The following ACTR3C variants were observed in gnomAD, a reference collection of about 807,000 sequenced individuals.
The protein encoded by ACTR3C is actin-related protein 3C.
Under a neutral mutation model 26.3 loss-of-function variants are expected in ACTR3C, and 18 were observed. The ratio of observed to expected loss-of-function variants is 0.68; its 90% CI spans 0.47 to 1.01. The LOEUF is 1.01. Ranked by LOEUF, ACTR3C falls within the 50% of genes least tolerant of loss-of-function variation. The pLI, the probability that ACTR3C is intolerant of heterozygous loss-of-function variation, is 0.00. For missense variants in ACTR3C, 184 were observed against 250.7 expected, an observed-to-expected ratio of 0.73 and a Z score of 1.80; for synonymous variants, 55 against 94.5, an observed-to-expected ratio of 0.58 and a Z score of 2.42.
chr7:150,068,638 G>C, the ACTR3C span, among the ~76,000 whole-genome samples: 1 of 130,534 alleles, frequency 7.7e-6, no homozygotes, highest in Admixed American at 7.8e-5. Context: ...AAAAAAATAG[G>C]CGGGTGTGGT....
At chr7:150,284,017 T>C (rs1465670593) in intron 6 of ACTR3C, among the ~76,000 whole-genome samples, 3 of 151,686 alleles carry the variant, frequency 2.0e-5, no homozygotes, top group African/African-American at 2.4e-5. Flanking sequence ...AAAAAAATCA[T>C]AATAATACAT....
At chr7:150,108,310 A>G in the ACTR3C span, among the ~76,000 whole-genome samples, 2 of 150,532 alleles carry the variant, frequency 1.3e-5, no homozygotes, top group Admixed American at 1.3e-4. Context: ...ATGGATAACT[A>G]GAAGAACAGG....
chr7:150,110,460 A>AGAGGGTGGGGCTGCCT, the ACTR3C span, among the ~76,000 whole-genome samples: 5 of 113,716 alleles, frequency 4.4e-5, no homozygotes, highest in African/African-American at 1.7e-4. Flanking sequence ...TGGGGCTGGA[A>AGAGGGTGGGGCTGCCT]GAGGGTGGGG....
At chr7:149,912,036 T>C in the ACTR3C span, among the ~76,000 whole-genome samples, 1 of 148,864 alleles carries the variant, frequency 6.7e-6, no homozygotes, top group South Asian at 2.1e-4. Flanking sequence ...ATCTGAAAAG[T>C]TTAAAAAAAC....
the ACTR3C span, among the ~76,000 whole-genome samples, chr7:150,143,029 A>G: frequency 4.0e-5 from 6 of 151,724 alleles, no homozygotes; most frequent in Admixed American, 2.0e-4. Flanking sequence ...GACAGGTTTC[A>G]CCATGTTGGC....
the ACTR3C span, among the ~76,000 whole-genome samples, chr7:149,900,184 G>GT: frequency 9.9e-5 from 15 of 150,988 alleles, no homozygotes; most frequent in Admixed American, 2.0e-4. Context: ...TGTTTTTTTG[G>GT]TTTGTTTTTG....
At chr7:150,140,607 T>C in the ACTR3C span, among the ~76,000 whole-genome samples, 1 of 152,148 alleles carries the variant, frequency 6.6e-6, no homozygotes, top group East Asian at 1.9e-4. Flanking sequence ...ATCTAAGTGA[T>C]TAGAGTTTGA....
chr7:150,243,722 T>C (rs1000789240), downstream of ACTR3C, among the ~76,000 whole-genome samples: 2 of 152,146 alleles, frequency 1.3e-5, no homozygotes, highest in Non-Finnish European at 2.9e-5. Context: ...ATGTAAATGC[T>C]ATGGAAATAG....
At chr7:150,059,681 C>T in the ACTR3C span, among the ~76,000 whole-genome samples, 2 of 152,270 alleles carry the variant, frequency 1.3e-5, no homozygotes, top group African/African-American at 4.8e-5. Context: ...TTTATCTGCA[C>T]TTTATATTTA....
In ACTR3C at chr7:150,282,241, G is replaced by A. The variant is rs1451533896; in HGVS notation, c.564+2512C>T. Among the ~76,000 whole-genome samples, 605 of 147,734 alleles carry A rather than the reference G, an allele frequency of 4.1e-3. 8 individuals are homozygous for A. Among genetic ancestry groups the A allele is most frequent in the Non-Finnish European group, 3.8e-3 (258 of 67,398 alleles). On this transcript the variant is annotated intron_variant, in intron 6 of 7. Transcript: ENST00000683684. ...GTCTCCTCCCCGGCAGCGGGGACCT[G>A]AGGCGATGTGTTCCAGAAGGGCAGC... is the stretch of plus-strand genomic sequence containing the variant.
the ACTR3C span, among the ~76,000 whole-genome samples, chr7:150,126,082 G>A: frequency 1.2e-4 from 18 of 152,264 alleles, no homozygotes; most frequent in South Asian, 6.2e-4. Flanking sequence ...GTCAACAAAC[G>A]GACCCTGAAA....
At chr7:150,035,529 G>T in the ACTR3C span, among the ~76,000 whole-genome samples, 10 of 127,904 alleles carry the variant, frequency 7.8e-5, no homozygotes, top group Non-Finnish European at 1.0e-4. Context: ...TCTCGTGGGG[G>T]GTGCCTCCCC....
chr7:150,257,143 T>A (rs1441236757), intron 6 of ACTR3C, among the ~76,000 whole-genome samples: 4 of 152,094 alleles, frequency 2.6e-5, no homozygotes, highest in African/African-American at 9.7e-5. Context: ...AATTATGAGG[T>A]AGCTAAAGCA....
the ACTR3C span, among the ~76,000 whole-genome samples, chr7:150,161,862 A>G: frequency 6.6e-6 from 1 of 152,124 alleles, no homozygotes. Context: ...TGTTCCAACA[A>G]CAACAACTGC....
At chr7:150,033,129 G>A in the ACTR3C span, among the ~76,000 whole-genome samples, 214 of 152,294 alleles carry the variant, frequency 1.4e-3, 1 homozygote, top group Non-Finnish European at 2.4e-3. Context: ...GGACAGAGGT[G>A]TATGGGGGTA....
the ACTR3C span, among the ~76,000 whole-genome samples, chr7:149,938,938 AAT>A: frequency 1.0e-4 from 7 of 68,218 alleles, no homozygotes; most frequent in Non-Finnish European, 1.4e-4. Flanking sequence ...TGTATATATA[AAT>A]ATATGTATAT....
At chr7:150,284,589 AT>A (rs1402486918) in intron 6 of ACTR3C, among the ~76,000 whole-genome samples, 163 bp downstream of exon 6, 1 of 152,160 alleles carries the variant, frequency 6.6e-6, no homozygotes, top group Non-Finnish European at 1.5e-5. Context: ...TAACTGAGTC[AT>A]ATTTCCATTT....
At chr7:149,902,155 A>G in the ACTR3C span, among the ~76,000 whole-genome samples, 5 of 152,130 alleles carry the variant, frequency 3.3e-5, no homozygotes, top group South Asian at 1.0e-3. Context: ...TGAGAGACAC[A>G]ACAATAGTAA....
At chr7:150,320,361 C>T (rs184669839) in intron 1 of ACTR3C, among the ~76,000 whole-genome samples, 7 of 152,318 alleles carry the variant, frequency 4.6e-5, no homozygotes, top group Non-Finnish European at 8.8e-5. Context: ...GGCTTGTGAT[C>T]GGCTTGTGAC....
Sources: gnomAD v4.1 joint callset for allele counts (sites outside exome capture counted in the v4.1 genomes callset) on GRCh38, gnomAD v4.1.1 for gene constraint, MANE v1.5 for transcripts, NCBI Gene and HGNC (gene_info 2026-07-23, HGNC 2026-07-21) for gene names.